Variants in MYH3 observed in about 807,000 individuals in gnomAD.
MYH3 encodes myosin-3.
MYH3 carries 130 observed loss-of-function variants against 238.0 expected under a neutral mutation model. The observed-to-expected ratio is 0.55, with a 90% confidence interval of 0.47 to 0.63. MYH3 has a LOEUF of 0.63. Among genes scored for constraint, MYH3 ranks in the 30% least tolerant of loss-of-function variants. The pLI is 0.00. For missense variants in MYH3, 1,853 were observed against 2,374.9 expected (o/e 0.78, Z 4.57); for synonymous variants, 880 against 924.1 (o/e 0.95, Z 0.86).
chr17:10,657,551 C>T (rs1385564782), upstream of MYH3, among the ~76,000 whole-genome samples: 1 of 152,180 alleles, frequency 6.6e-6, no homozygotes, highest in Non-Finnish European at 1.5e-5. Context: ...GGCCGGTGCT[C>T]CCTCCCCTGA....
intron 32 of MYH3, 36 bp from the exon 33 acceptor site, chr17:10,633,751 C>T: frequency 6.2e-7 from 1 of 1,612,816 alleles, no homozygotes; most frequent in Non-Finnish European, 8.5e-7. Flanking sequence ...ATATGAGCGC[C>T]TCTGCGTGGG....
intron 5 of MYH3, among the ~76,000 whole-genome samples, chr17:10,651,214 C>T (rs1567561947): frequency 1.3e-5 from 2 of 148,270 alleles, no homozygotes; most frequent in Non-Finnish European, 3.0e-5. Flanking sequence ...CAGCCAGTGG[C>T]TTCTCATCGT....
Position 10,641,278 on chromosome 17 carries a change from G to A in MYH3, c.2047+7C>T. The A allele has an allele frequency of 1.2e-6, 2 of 1,611,248 alleles. No homozygotes were observed. Among genetic ancestry groups the A allele is most frequent in the Non-Finnish European group, 1.7e-6 (2 of 1,177,450 alleles). On this transcript the variant is annotated splice_region_variant and intron_variant, in intron 18 of 40. Coordinates refer to ENST00000583535, the MANE Select transcript of MYH3 (RefSeq NM_002470.4). Reference sequence around the variant, plus strand: ...AGCACCACCTAGCGAGCCAGCAGGTGTCTCACCTGGAGTTTTGGTTTCATT... The same window carrying A: ...AGCACCACCTAGCGAGCCAGCAGGTATCTCACCTGGAGTTTTGGTTTCATT...
rs1176568755 is a variant in MYH3, at chr17:10,654,694, ACT to A, written c.204+165_204+166del. On this transcript the variant is annotated intron_variant, in intron 3 of 40. Coordinates refer to ENST00000583535, the MANE Select transcript of MYH3 (RefSeq NM_002470.4). This position sits in a 1 kb window ranked among gnomAD's most constrained non-coding sequence, Gnocchi z 4.5. ...ACCCTGGAACCTGAGGCCAGTATTC[ACT>A]CTGCTTTCTCTGAGGATACCTGGGA... Among the ~76,000 whole-genome samples the A allele has an allele frequency of 2.0e-5, 3 of 152,052 alleles. No homozygotes were observed. Among genetic ancestry groups the A allele is most frequent in the African/African-American group, 7.2e-5 (3 of 41,394 alleles).
At chr17:10,671,931 T>C in the MYH3 span, among the ~76,000 whole-genome samples, 2 of 152,180 alleles carry the variant, frequency 1.3e-5, no homozygotes, top group African/African-American at 4.8e-5. Context: ...TCCTTATGAA[T>C]TTGTAAACAC....
chr17:10,661,266 C>T (rs991065712), upstream of MYH3, among the ~76,000 whole-genome samples: 13 of 143,896 alleles, frequency 9.0e-5, no homozygotes, highest in South Asian at 2.2e-4. Context: ...TGTGAGCCAC[C>T]GCACCCAGCC....
chr17:10,670,059 G>A, the MYH3 span, among the ~76,000 whole-genome samples: 2 of 152,212 alleles, frequency 1.3e-5, no homozygotes, highest in African/African-American at 2.4e-5. This position sits in a 1 kb window ranked among gnomAD's most constrained non-coding sequence, Gnocchi z 7.0. Flanking sequence ...GGAGGCAGAG[G>A]CAGCTGGGTT....
At chr17:10,665,687 A>G in the MYH3 span, among the ~76,000 whole-genome samples, 776 of 152,338 alleles carry the variant, frequency 5.1e-3, 4 homozygotes, top group African/African-American at 0.018. Context: ...CATCATAAAG[A>G]TGTTAATTAT....
chr17:10,650,769 C>T (rs1486386226), intron 5 of MYH3, among the ~76,000 whole-genome samples: 1 of 152,158 alleles, frequency 6.6e-6, no homozygotes, highest in African/African-American at 2.4e-5. Context: ...TATTACTTAT[C>T]GGAGTCACCA....
At position 10,642,396 on chromosome 17, in the gene MYH3, G is replaced by A. The variant is rs773234227; in HGVS notation, c.1888+21C>T. On this transcript the variant is annotated intron_variant, in intron 16 of 40. Coordinates refer to ENST00000583535, the MANE Select transcript of MYH3 (RefSeq NM_002470.4). This position sits in a 1 kb window ranked among gnomAD's most constrained non-coding sequence, Gnocchi z 5.4. ...GGAACAAATGGAGGGAAATCACATG[G>A]ACACAAAGCACTCCTCTTACCATCC... 8.1e-6 allele frequency: 13 copies of A among 1,613,992 alleles called. No homozygotes were observed. The East Asian group carries it at 2.2e-4, about 28-fold the overall frequency.
At position 10,648,644 on chromosome 17, in the gene MYH3, A is replaced by G; in HGVS notation, c.648T>C (p.Thr216=). 1 of 1,613,308 alleles carries G rather than the reference A, an allele frequency of 6.2e-7. No homozygotes were observed. The highest frequency in any genetic ancestry group is 8.5e-7 in the Non-Finnish European group (1 of 1,179,472). Residue 216 remains threonine, a synonymous_variant, in exon 8 of 41, where the codon ACT becomes ACC. Transcript: ENST00000583535. ...TGGCACTGATGATTTGATCTTCCAG[A>G]GTCCCCTAATGCAAGAAATTGAGGG... The part of the protein sequence containing the change: ...AKKKDSKMKG[T]LEDQIISANP...
intron 31 of MYH3, 77 bp downstream of exon 31, chr17:10,634,763 A>G: frequency 1.3e-6 from 2 of 1,573,346 alleles, no homozygotes; most frequent in Non-Finnish European, 1.7e-6. Context: ...CAGGTCCGGG[A>G]TGCATTCTCC....
chr17:10,652,266 C>G (rs1249962198), intron 4 of MYH3, 154 bp downstream of exon 4: 5 of 983,106 alleles, frequency 5.1e-6, no homozygotes, highest in Non-Finnish European at 6.3e-6. Context: ...CTCTTGCTTT[C>G]TTGCCTTCTT....
chr17:10,630,894 G>A (rs1162223098), intron 36 of MYH3, among the ~76,000 whole-genome samples: 1 of 152,094 alleles, frequency 6.6e-6, no homozygotes, highest in African/African-American at 2.4e-5. Context: ...GACAACGGGT[G>A]AGACTGTGAT....
chr17:10,633,541 G>A (rs1294553882), intron 33 of MYH3, 50 bp downstream of exon 33: 18 of 1,607,836 alleles, frequency 1.1e-5, no homozygotes, highest in East Asian at 4.5e-5. Flanking sequence ...CTCCCTGGCC[G>A]TGGCTCACCA....
At chr17:10,633,900 T>C in intron 32 of MYH3, 117 bp downstream of exon 32, 2 of 1,474,838 alleles carry the variant, frequency 1.4e-6, no homozygotes, top group Non-Finnish European at 1.9e-6. Flanking sequence ...ACTTTCTGCA[T>C]GTGCATTAAC....
chr17:10,642,258 A>G lies in MYH3; in HGVS notation c.1941T>C (p.Thr647=). The G allele has an allele frequency of 6.2e-7, 1 of 1,614,080 alleles. No individual in the cohort carries two copies. The highest frequency in any genetic ancestry group is 8.5e-7 in the Non-Finnish European group (1 of 1,179,960). Residue 647 remains threonine (T), a synonymous_variant, in exon 17 of 41, where the codon ACT becomes ACC. Coordinates refer to ENST00000583535, the MANE Select transcript of MYH3 (RefSeq NM_002470.4). This position sits in a 1 kb window ranked among gnomAD's most constrained non-coding sequence, Gnocchi z 5.4. ...TTCTTACCCTGAAAAGGGCAGAGAC[A>G]GTTTGGAAGGAAGAACCCTTCTTCT... ...VAKKKGSSFQ[T]VSALFRENLN... is the part of the protein sequence containing the mutation.
intron 17 of MYH3, among the ~76,000 whole-genome samples, chr17:10,641,883 C>A (rs2074276180): frequency 6.6e-6 from 1 of 152,104 alleles, no homozygotes; most frequent in African/African-American, 2.4e-5. Context: ...TCTTTTGTCT[C>A]CCAGTGAGCC....
chr17:10,656,470 G>A lies in MYH3; in HGVS notation c.-67-322C>T, dbSNP rs185464034. ...GAGAATCATTTGAACCTGGGAGACA[G>A]AGGTTGCAGTGAGCCGAGATTGTGC... On this transcript the variant is annotated intron_variant, in intron 1 of 40. Coordinates refer to ENST00000583535, the MANE Select transcript of MYH3 (RefSeq NM_002470.4). Among the ~76,000 whole-genome samples the A allele has an allele frequency of 7.3e-5, 11 of 150,876 alleles. No individual in the cohort carries two copies. In the East Asian group the frequency reaches 2.2e-3, roughly 30 times the overall value.
Sources: allele counts gnomAD v4.1 joint callset (sites outside exome capture counted in the v4.1 genomes callset), GRCh38; gene constraint gnomAD v4.1.1; non-coding constraint Gnocchi (gnomAD v3.1); transcripts MANE v1.5; gene names NCBI Gene and HGNC (gene_info 2026-07-23, HGNC 2026-07-21).